Variants in TNS3 observed in about 807,000 individuals in gnomAD.
TNS3 encodes the protein tensin 3.
A neutral mutation model predicts 140.9 loss-of-function variants in TNS3; 45 were observed. The observed-to-expected ratio is 0.32, with a 90% CI of 0.25 to 0.41. The LOEUF (loss-of-function observed/expected upper bound fraction) is 0.41, where lower values mean the gene tolerates loss of function less well. TNS3 is among the 10% of genes least tolerant of loss of function. TNS3 has a pLI of 1.00. For synonymous variants in TNS3, 815 were observed against 788.4 expected, an observed-to-expected ratio of 1.03 and a Z score of -0.56; for missense variants, 1,716 against 1,906.7, an observed-to-expected ratio of 0.90 and a Z score of 1.86.
chr7:47,577,901 G>A (rs1405718833), intron 1 of TNS3, among the ~76,000 whole-genome samples: 1 of 152,010 alleles, frequency 6.6e-6, no homozygotes, highest in Non-Finnish European at 1.5e-5. Context: ...CCTAGCTCTG[G>A]GAGCACCTCC....
intron 1 of TNS3, among the ~76,000 whole-genome samples, chr7:47,564,193 CAAAAAAAA>C (rs57005793): frequency 1.0e-5 from 1 of 97,936 alleles, no homozygotes; most frequent in South Asian, 3.7e-4. Flanking sequence ...GACTCTGTCT[CAAAAAAAA>C]AAAAAAAAAA....
intron 4 of TNS3, among the ~76,000 whole-genome samples, chr7:47,474,840 ACCTC>A: frequency 6.8e-6 from 1 of 146,498 alleles, no homozygotes; most frequent in Non-Finnish European, 1.5e-5. Context: ...CGACAGACAC[ACCTC>A]ACACACAAAA....
intron 1 of TNS3, among the ~76,000 whole-genome samples, chr7:47,545,724 G>A (rs1412738170): frequency 6.6e-6 from 1 of 152,146 alleles, no homozygotes; most frequent in East Asian, 1.9e-4. Context: ...GACCGAAAAT[G>A]CCCCAACATT....
At chr7:47,297,249 C>T (rs780966239) in intron 23 of TNS3, 36 bp from the exon 24 acceptor site, 107 of 1,587,502 alleles carry the variant, frequency 6.7e-5, no homozygotes, top group African/African-American at 1.1e-4. Context: ...GAAGGTCTGC[C>T]GGGTGGACAA....
chr7:47,368,238 C>G, intron 17 of TNS3, 127 bp downstream of exon 17: 1 of 1,033,252 alleles, frequency 9.7e-7, no homozygotes, highest in Non-Finnish European at 1.3e-6. Context: ...AGAGTTGAAA[C>G]TGCAAGGGAA....
intron 4 of TNS3, among the ~76,000 whole-genome samples, chr7:47,447,472 C>T (rs73095122): frequency 0.059 from 8,906 of 152,178 alleles, 341 homozygotes; most frequent in Non-Finnish European, 0.087. Context: ...AAGGGTCCAC[C>T]GCTTGGCACC....
chr7:47,464,005 T>C (rs1037165207), intron 4 of TNS3, among the ~76,000 whole-genome samples: 3 of 152,194 alleles, frequency 2.0e-5, no homozygotes, highest in African/African-American at 7.2e-5. Flanking sequence ...AGGGCCGTAA[T>C]CACAGCCTAG....
At chr7:47,510,657 T>C (rs953426099) in intron 2 of TNS3, among the ~76,000 whole-genome samples, 1 of 152,074 alleles carries the variant, frequency 6.6e-6, no homozygotes, top group African/African-American at 2.4e-5. Context: ...GCAGATCACT[T>C]GAGGTCAGGA....
chr7:47,454,614 G>T (rs1232654597), intron 4 of TNS3, among the ~76,000 whole-genome samples: 1 of 152,012 alleles, frequency 6.6e-6, no homozygotes, highest in Non-Finnish European at 1.5e-5. Flanking sequence ...TGCTCTGGGG[G>T]GGCAACAGCT....
At chr7:47,427,569 G>T (rs896527443) in intron 9 of TNS3, among the ~76,000 whole-genome samples, 1 of 152,178 alleles carries the variant, frequency 6.6e-6, no homozygotes, top group African/African-American at 2.4e-5. Flanking sequence ...TCTGCACTCT[G>T]GGAAGGGTCC....
In TNS3 at chr7:47,293,245, A is replaced by G. The variant is rs535146712; in HGVS notation, c.3773-340T>C. 2.6e-5 allele frequency among the ~76,000 whole-genome samples: 4 copies of G among 152,340 alleles called. No homozygotes were observed. The South Asian group carries it at 8.3e-4, about 32-fold the overall frequency. ...CTTCAACCATATATATTACCCCTGCACAATGCTTCTTAACAAAGCTCTAAT... is the reference window on the plus strand; with the variant it reads ...CTTCAACCATATATATTACCCCTGCGCAATGCTTCTTAACAAAGCTCTAAT... On this transcript the variant is annotated intron_variant, in intron 25 of 30. Transcript: ENST00000311160.
At chr7:47,507,629 A>G (rs1487682578) in intron 2 of TNS3, among the ~76,000 whole-genome samples, 2 of 152,150 alleles carry the variant, frequency 1.3e-5, no homozygotes, top group Non-Finnish European at 2.9e-5. Context: ...AGCTGGAACC[A>G]ATGCGGATTT....
intron 4 of TNS3, among the ~76,000 whole-genome samples, chr7:47,454,724 C>G (rs1157228357): frequency 6.6e-6 from 1 of 152,140 alleles, no homozygotes; most frequent in African/African-American, 2.4e-5. Flanking sequence ...TCAAAGTACC[C>G]CCAATGGGAG....
chr7:47,524,811 GAA>G (rs58986640), intron 2 of TNS3, among the ~76,000 whole-genome samples: 1 of 93,014 alleles, frequency 1.1e-5, no homozygotes, highest in African/African-American at 5.8e-5. Flanking sequence ...TCCGTCTCAA[GAA>G]AAAAAAAAAA....
In TNS3 at chr7:47,292,770, G is replaced by A. The variant is rs544076041; in HGVS notation, c.3850+58C>T. On this transcript the variant is annotated intron_variant, in intron 26 of 30. Transcript: ENST00000311160. ...TGGATCTTCATGGATCTCTAAAACCGGTGGCCTTGACTGCAGACAATCTAC... is the reference window on the plus strand; with the variant it reads ...TGGATCTTCATGGATCTCTAAAACCAGTGGCCTTGACTGCAGACAATCTAC... 169 of 1,435,660 alleles carry A rather than the reference G, an allele frequency of 1.2e-4. No homozygotes were observed. In the East Asian group the frequency reaches 2.1e-3, roughly 18 times the overall value. 88.9% of individuals were successfully genotyped at this position (1,435,660 alleles called of 1,614,324 possible).
In TNS3 at chr7:47,278,072, G is replaced by C; in HGVS notation, c.*4C>G. 5 of 1,614,020 alleles carry C rather than the reference G, an allele frequency of 3.1e-6. No homozygotes were observed. The highest frequency in any genetic ancestry group is 3.4e-6 in the Non-Finnish European group (4 of 1,179,930). On this transcript the variant is annotated 3_prime_UTR_variant, in exon 31 of 31. Coordinates refer to ENST00000311160, the MANE Select transcript of TNS3 (RefSeq NM_022748.12). Reference sequence around the variant, plus strand: ...TCGGTGGGTCCAGGGAGGGAGGGGAGTTCTCAGACCTTCTTTGGGGAACCA... The same window carrying C: ...TCGGTGGGTCCAGGGAGGGAGGGGACTTCTCAGACCTTCTTTGGGGAACCA...
At chr7:47,359,255 C>T (rs117849637) in intron 17 of TNS3, among the ~76,000 whole-genome samples, 1 of 152,172 alleles carries the variant, frequency 6.6e-6, no homozygotes, top group Non-Finnish European at 1.5e-5. Flanking sequence ...ACGTCCGGCT[C>T]GAAAACATCA....
At chr7:47,476,964 T>C (rs1797217800) in intron 4 of TNS3, among the ~76,000 whole-genome samples, 1 of 152,222 alleles carries the variant, frequency 6.6e-6, no homozygotes, top group African/African-American at 2.4e-5. Flanking sequence ...ACCAGGAATA[T>C]GAAAACGAAC....
chr7:47,306,051 A>G (rs1180747093), intron 20 of TNS3, among the ~76,000 whole-genome samples: 1 of 152,228 alleles, frequency 6.6e-6, no homozygotes, highest in Non-Finnish European at 1.5e-5. Context: ...TTATACTGAA[A>G]AAAAGGCTAC....
Sources: gnomAD v4.1 joint callset for allele counts (sites outside exome capture counted in the v4.1 genomes callset) on GRCh38, gnomAD v4.1.1 for gene constraint, MANE v1.5 for transcripts, NCBI Gene and HGNC (gene_info 2026-07-23, HGNC 2026-07-21) for gene names.